The following IMPG2 variants were observed in gnomAD, a reference collection of about 807,000 sequenced individuals.
IMPG2 encodes IPM 200.
Under a neutral mutation model 129.2 loss-of-function variants are expected in IMPG2, and 91 were observed. That is an observed-to-expected ratio of 0.70 (90% CI 0.59 to 0.84). The LOEUF is 0.84. IMPG2 is among the 40% of genes least tolerant of loss of function. The probability of loss-of-function intolerance (pLI) is 0.00; values close to 1 mark genes in which losing one functional copy is unlikely to be tolerated. For synonymous variants in IMPG2, 510 were observed against 517.7 expected, an observed-to-expected ratio of 0.99 and a Z score of 0.20; for missense variants, 1,430 against 1,461.7, an observed-to-expected ratio of 0.98 and a Z score of 0.35.
rs963451071 is a variant in IMPG2, at chr3:101,223,287, C to T, written c.*3682G>A. 2 of 152,154 alleles carry T rather than the reference C, an allele frequency of 1.3e-5. No homozygotes were observed. The highest frequency in any genetic ancestry group is 2.4e-5 in the African/African-American group (1 of 41,432). 9.4% of individuals were successfully genotyped at this position (152,154 alleles called of 1,614,324 possible). The stretch of plus-strand genomic sequence containing the variant: ...CTGGATTGTAAATGAGGAAGGCTGG[C>T]CCCACCCATTCCTACTGGGAATTGT... On this transcript the variant is annotated 3_prime_UTR_variant, in exon 19 of 19. Transcript: ENST00000193391.
intron 3 of IMPG2, among the ~76,000 whole-genome samples, chr3:101,303,476 C>G (rs1707158704): frequency 6.6e-6 from 1 of 152,144 alleles, no homozygotes; most frequent in Admixed American, 6.5e-5. Context: ...CACAGAGGAA[C>G]TGAATAGATG....
chr3:101,239,619 A>G (rs1388936255), intron 14 of IMPG2, among the ~76,000 whole-genome samples: 2 of 152,246 alleles, frequency 1.3e-5, no homozygotes, highest in East Asian at 3.8e-4. Flanking sequence ...ACACATGCAC[A>G]TGTATGTTTA....
intron 9 of IMPG2, among the ~76,000 whole-genome samples, chr3:101,266,120 GC>G (rs1706718664): frequency 6.6e-6 from 1 of 152,146 alleles, no homozygotes; most frequent in African/African-American, 2.4e-5. Flanking sequence ...AACTTGTATA[GC>G]CACTGTGGAA....
chr3:101,264,986 C>T (rs1323271026), intron 9 of IMPG2, among the ~76,000 whole-genome samples: 5 of 151,746 alleles, frequency 3.3e-5, no homozygotes, highest in African/African-American at 1.2e-4. Flanking sequence ...TAAATTTAAC[C>T]AAGCAGGTGA....
rs772639885 is a variant in IMPG2 at position 101,253,762 on chromosome 3, G to C, written c.1173C>G (p.His391Gln). The C allele has an allele frequency of 6.2e-7, 1 of 1,610,932 alleles. No individual in the cohort carries two copies. Among genetic ancestry groups the C allele is most frequent in the South Asian group, 1.1e-5 (1 of 90,658 alleles). The change falls in exon 11 of 19, where the codon CAC becomes CAG. Residue 391 changes from histidine to glutamine, a missense_variant. His to Gln is a conservative substitution (Grantham distance 24). Transcript: ENST00000193391. ...TGTTCCAAACTAGATCTTCAGTTTG[G>C]TGACGCAAAACTCCTCTCACTGAGG... is the stretch of plus-strand genomic sequence containing the variant. ...QLINVRGVLR[H>Q]QTEDLVWNTQ...
At chr3:101,315,701 G>T (rs1217402855) in intron 2 of IMPG2, among the ~76,000 whole-genome samples, 2 of 152,042 alleles carry the variant, frequency 1.3e-5, no homozygotes, top group Non-Finnish European at 2.9e-5. Flanking sequence ...TCTGTATTAA[G>T]ATGGCAATTC....
intron 9 of IMPG2, among the ~76,000 whole-genome samples, chr3:101,264,240 C>A (rs900998225): frequency 6.6e-6 from 1 of 151,814 alleles, no homozygotes; most frequent in Non-Finnish European, 1.5e-5. Context: ...AAGACACGTA[C>A]CTGACAAAAA....
chr3:101,299,189 G>A (rs557361267), intron 3 of IMPG2, among the ~76,000 whole-genome samples: 1 of 152,248 alleles, frequency 6.6e-6, no homozygotes, highest in East Asian at 1.9e-4. Flanking sequence ...TTCAGCTACT[G>A]ATTCTTGTGT....
At chr3:101,311,052 C>T (rs776316969) in intron 2 of IMPG2, among the ~76,000 whole-genome samples, 9 of 152,050 alleles carry the variant, frequency 5.9e-5, no homozygotes, top group Non-Finnish European at 1.0e-4. Context: ...AGGGGCTACA[C>T]AGATCCACCC....
At chr3:101,256,167 AAG>A (rs1491456045) in intron 10 of IMPG2, among the ~76,000 whole-genome samples, 1 of 147,520 alleles carries the variant, frequency 6.8e-6, no homozygotes, top group Non-Finnish European at 1.5e-5. Context: ...GAAAGAAAGA[AAG>A]AAAGAAAGAA....
At chr3:101,295,412 T>C (rs533985491) in intron 3 of IMPG2, among the ~76,000 whole-genome samples, 3 of 152,282 alleles carry the variant, frequency 2.0e-5, no homozygotes, top group Non-Finnish European at 2.9e-5. Context: ...ATCTCTGAGG[T>C]CTCTGTTCTG....
chr3:101,295,305 C>T (rs1305298005), intron 3 of IMPG2, among the ~76,000 whole-genome samples: 1 of 152,142 alleles, frequency 6.6e-6, no homozygotes, highest in Non-Finnish European at 1.5e-5. Flanking sequence ...TATGGCTAAC[C>T]AGTTTGCCTA....
At position 101,226,586 on chromosome 3, in the gene IMPG2, A is replaced by G. The variant is rs902313225; in HGVS notation, c.*383T>C. The stretch of plus-strand genomic sequence containing the variant: ...TTCCCTTACTAAGCCAGACTTCTCC[A>G]TGGAAGAGTCTCACCTTATTTTCCT... On this transcript the variant is annotated 3_prime_UTR_variant, in exon 19 of 19. Coordinates refer to ENST00000193391, the MANE Select transcript of IMPG2 (RefSeq NM_016247.4). 2 of 192,400 alleles carry G rather than the reference A, an allele frequency of 1.0e-5. No individual in the cohort carries two copies. The highest frequency in any genetic ancestry group is 4.7e-5 in the African/African-American group (2 of 42,688). The allele number at this position is 192,400 out of a possible 1,614,324, so 11.9% of individuals were successfully genotyped here. A position where few individuals can be genotyped will look rare whatever the true frequency, so the allele number is the denominator to read the frequency against.
At chr3:101,263,658 A>ACAAAC (rs1706692647) in intron 9 of IMPG2, among the ~76,000 whole-genome samples, 3 of 152,102 alleles carry the variant, frequency 2.0e-5, no homozygotes, top group African/African-American at 7.2e-5. Context: ...AAAAGCAAAA[A>ACAAAC]CAAACCAAAC....
chr3:101,241,078 T>G (rs1275142398), intron 14 of IMPG2, among the ~76,000 whole-genome samples: 1 of 152,230 alleles, frequency 6.6e-6, no homozygotes, highest in Non-Finnish European at 1.5e-5. Context: ...GACACTATCC[T>G]AAGTTCTGGC....
In IMPG2 at chr3:101,223,673, T is replaced by A. The variant is rs1706189003; in HGVS notation, c.*3296A>T. ...GCAGTTTCCAGCTTTTTGTTAGAGGTAATATTAAGTCAGAGTTGTTCAAAC... is the reference window on the plus strand; with the variant it reads ...GCAGTTTCCAGCTTTTTGTTAGAGGAAATATTAAGTCAGAGTTGTTCAAAC... On this transcript the variant is annotated 3_prime_UTR_variant, in exon 19 of 19. Transcript: ENST00000193391. 6.6e-6 allele frequency: 1 copy of A among 152,174 alleles called. No individual in the cohort carries two copies. The highest frequency in any genetic ancestry group is 1.5e-5 in the Non-Finnish European group (1 of 68,034). The allele number at this position is 152,174 out of a possible 1,614,324, so 9.4% of individuals were successfully genotyped here. A position where few individuals can be genotyped will look rare whatever the true frequency, so the allele number is the denominator to read the frequency against.
In IMPG2 at chr3:101,224,758, T is replaced by C. The variant is rs552610520; in HGVS notation, c.*2211A>G. The stretch of plus-strand genomic sequence containing the variant: ...CTGAGGCCTCCTGTTCTTTCCCTGA[T>C]AGTTGAGGGGCTCCTTTACTCTTCC... On this transcript the variant is annotated 3_prime_UTR_variant, in exon 19 of 19. Transcript: ENST00000193391. The C allele has an allele frequency of 5.9e-5, 9 of 152,246 alleles. No individual in the cohort carries two copies. The highest frequency in any genetic ancestry group is 8.8e-5 in the Non-Finnish European group (6 of 68,050). 9.4% of individuals were successfully genotyped at this position (152,246 alleles called of 1,614,324 possible). A position where few individuals can be genotyped will look rare whatever the true frequency, so the allele number is the denominator to read the frequency against.
At chr3:101,253,958 C>A (rs1158081329) in intron 10 of IMPG2, among the ~76,000 whole-genome samples, 177 bp from the exon 11 acceptor site, 1 of 152,146 alleles carries the variant, frequency 6.6e-6, no homozygotes, top group Non-Finnish European at 1.5e-5. Flanking sequence ...TTTATATTAG[C>A]ACAATCTGCC....
chr3:101,276,864 T>C, intron 4 of IMPG2, 151 bp from the exon 5 acceptor site: 3 of 637,556 alleles, frequency 4.7e-6, no homozygotes, highest in Non-Finnish European at 8.5e-6. Flanking sequence ...TTTTTAAAAT[T>C]AAAACTTCAT....
Sources: gnomAD v4.1 joint callset for allele counts (sites outside exome capture counted in the v4.1 genomes callset) on GRCh38, gnomAD v4.1.1 for gene constraint, MANE v1.5 for transcripts, NCBI Gene and HGNC (gene_info 2026-07-23, HGNC 2026-07-21) for gene names.